The following ARAP2 variants were observed in gnomAD, a reference collection of about 807,000 sequenced individuals.
The protein encoded by ARAP2 is ArfGAP with RhoGAP domain, ankyrin repeat and PH domain 2, also known as arf-GAP with Rho-GAP domain, ANK repeat and PH domain-containing protein 2.
In ARAP2, 148 loss-of-function variants were observed where a neutral mutation model predicts 194.5. The observed-to-expected ratio is 0.76, with a 90% CI of 0.67 to 0.87. The LOEUF (loss-of-function observed/expected upper bound fraction) is 0.87. ARAP2 is among the 40% of genes least tolerant of loss of function. The pLI is 0.00. For missense variants in ARAP2, 2,128 were observed against 1,989.7 expected (o/e 1.07, Z -1.32); for synonymous variants, 695 against 683.5 (o/e 1.02, Z -0.26).
At chr4:36,209,408 A>C (rs1746256221) in intron 6 of ARAP2, 2 of 453,034 alleles carry the variant, frequency 4.4e-6, no homozygotes, top group Non-Finnish European at 8.9e-6. Context: ...ATTCAAAATC[A>C]AATTTCCTAA....
At chr4:36,120,402 G>T (rs958441232) in intron 23 of ARAP2, among the ~76,000 whole-genome samples, 2 of 151,598 alleles carry the variant, frequency 1.3e-5, no homozygotes, top group Admixed American at 1.3e-4. Flanking sequence ...TAATAAGAAC[G>T]TAAGAACTCT....
intron 5 of ARAP2, among the ~76,000 whole-genome samples, chr4:36,024,278 T>C (rs1717525067): frequency 6.6e-6 from 1 of 152,182 alleles, no homozygotes; most frequent in Non-Finnish European, 1.5e-5. Context: ...CAAAATGACA[T>C]TGCATACCTG....
chr4:36,147,518 C>T (rs759094336), intron 18 of ARAP2, 30 bp downstream of exon 18: 1 of 1,591,178 alleles, frequency 6.3e-7, no homozygotes, highest in Non-Finnish European at 8.5e-7. Flanking sequence ...GAAAAGTGTT[C>T]CAAAGATAAG....
chr4:36,027,762 G>A (rs989921183), intron 5 of ARAP2, among the ~76,000 whole-genome samples: 9 of 152,236 alleles, frequency 5.9e-5, no homozygotes, highest in African/African-American at 2.2e-4. Flanking sequence ...TGGATAATTA[G>A]TGACAGAGCC....
At chr4:36,055,202 G>C (rs1723288895) in intron 2 of ARAP2, among the ~76,000 whole-genome samples, 1 of 152,118 alleles carries the variant, frequency 6.6e-6, no homozygotes, top group South Asian at 2.1e-4. Flanking sequence ...ATGAGATTTA[G>C]CGTTTCCACT....
intron 10 of ARAP2, chr4:36,005,434 A>G (rs1045517922): frequency 6.6e-6 from 1 of 152,172 alleles, no homozygotes; most frequent in African/African-American, 2.4e-5. Flanking sequence ...GAAGAGGCTT[A>G]TAATTTTCAC....
At chr4:36,119,491 C>T (rs1342575256) in intron 24 of ARAP2, among the ~76,000 whole-genome samples, 159 bp downstream of exon 24, 1 of 150,132 alleles carries the variant, frequency 6.7e-6, no homozygotes, top group Non-Finnish European at 1.5e-5. Flanking sequence ...ATATATGTAT[C>T]AGGTTGCTGA....
At chr4:36,153,619 C>T (rs1464332622) in intron 15 of ARAP2, among the ~76,000 whole-genome samples, 5 of 152,240 alleles carry the variant, frequency 3.3e-5, no homozygotes, top group Middle Eastern at 3.4e-3. Context: ...AAAAACATTA[C>T]GACAGGATTT....
At chr4:36,208,040 A>G (rs1578277917) in intron 6 of ARAP2, among the ~76,000 whole-genome samples, 1 of 152,348 alleles carries the variant, frequency 6.6e-6, no homozygotes. Context: ...AAGAAAAGCA[A>G]TGCTGATGCC....
chr4:36,170,347 G>A (rs1187812164), intron 9 of ARAP2, among the ~76,000 whole-genome samples: 1 of 152,172 alleles, frequency 6.6e-6, no homozygotes, highest in Non-Finnish European at 1.5e-5. Flanking sequence ...CAACACTTTG[G>A]GAGGCCAAGG....
At chr4:36,091,768 T>C in intron 28 of ARAP2, 113 bp downstream of exon 28, 2 of 1,147,048 alleles carry the variant, frequency 1.7e-6, no homozygotes, top group African/African-American at 1.6e-5. Flanking sequence ...CAGCTTACCA[T>C]GCATTTTATA....
chr4:36,180,561 C>T (rs964232265), intron 8 of ARAP2, among the ~76,000 whole-genome samples: 10 of 152,126 alleles, frequency 6.6e-5, no homozygotes, highest in African/African-American at 1.2e-4. Context: ...ATATTCCTGC[C>T]GAATAAATGG....
intron 2 of ARAP2, among the ~76,000 whole-genome samples, chr4:36,218,935 C>T (rs1418878953): frequency 6.6e-6 from 1 of 152,056 alleles, no homozygotes; most frequent in East Asian, 1.9e-4. Context: ...AGGCACCACA[C>T]CAAAGAAGAT....
intron 5 of ARAP2, among the ~76,000 whole-genome samples, chr4:36,025,629 A>AT (rs1717765297): frequency 2.0e-5 from 3 of 151,992 alleles, no homozygotes; most frequent in Non-Finnish European, 4.4e-5. Context: ...TCCTTCGTCT[A>AT]TTTTTGTAAA....
intron 6 of ARAP2, among the ~76,000 whole-genome samples, chr4:36,196,747 A>G (rs1472855713): frequency 6.6e-6 from 1 of 151,800 alleles, no homozygotes; most frequent in African/African-American, 2.4e-5. Flanking sequence ...GTGGTCACGC[A>G]TTCACCCAGT....
chr4:36,165,340 T>C (rs1234285333), intron 10 of ARAP2, among the ~76,000 whole-genome samples: 1 of 152,214 alleles, frequency 6.6e-6, no homozygotes, highest in Non-Finnish European at 1.5e-5. Flanking sequence ...TGAACCAAAA[T>C]TAACATACAC....
intron 27 of ARAP2, among the ~76,000 whole-genome samples, 173 bp from the exon 28 acceptor site, chr4:36,092,193 G>A (rs376524803): frequency 3.3e-5 from 5 of 152,286 alleles, no homozygotes; most frequent in East Asian, 1.9e-4. Context: ...TATTTATCAT[G>A]TATGGGCCTG....
chr4:36,217,462 A>C (rs756291692), intron 2 of ARAP2, among the ~76,000 whole-genome samples: 4 of 152,238 alleles, frequency 2.6e-5, no homozygotes, highest in Non-Finnish European at 4.4e-5. Context: ...CGGAGGTTGC[A>C]GTGAGCCAAG....
At chr4:36,172,324 T>C (rs1197095231) in intron 9 of ARAP2, among the ~76,000 whole-genome samples, 1 of 152,212 alleles carries the variant, frequency 6.6e-6, no homozygotes, top group Non-Finnish European at 1.5e-5. Context: ...TAGACCTCAG[T>C]TTCCTTATTT....
Sources: allele counts gnomAD v4.1 joint callset (sites outside exome capture counted in the v4.1 genomes callset), GRCh38; gene constraint gnomAD v4.1.1; transcripts MANE v1.5; gene names NCBI Gene and HGNC (gene_info 2026-07-23, HGNC 2026-07-21).